HHAT: variants seen among roughly 807,000 people sequenced by gnomAD.
HHAT encodes the protein protein-cysteine N-palmitoyltransferase HHAT.
A neutral mutation model predicts 70.8 loss-of-function variants in HHAT; 47 were observed. The observed-to-expected ratio is 0.66, with a 90% confidence interval of 0.53 to 0.85. The LOEUF is 0.85. Ranked by LOEUF, HHAT falls within the 40% of genes least tolerant of loss-of-function variation. HHAT has a pLI of 0.00. For synonymous variants in HHAT, 228 were observed against 247.6 expected (o/e 0.92, Z 0.74); for missense variants, 609 against 604.8 (o/e 1.01, Z -0.07).
At chr1:210,337,446 GT>G (rs1331990821) in intron 1 of HHAT, among the ~76,000 whole-genome samples, 1 of 152,058 alleles carries the variant, frequency 6.6e-6, no homozygotes, top group Non-Finnish European at 1.5e-5. Context: ...TTACCTTATG[GT>G]TCTGGATGTC....
chr1:210,603,464 A>G (rs1558254704), intron 10 of HHAT, among the ~76,000 whole-genome samples: 1 of 152,030 alleles, frequency 6.6e-6, no homozygotes. Flanking sequence ...TATATGTTGA[A>G]GATTTGGCTG....
In HHAT at chr1:210,551,991, A is replaced by G. The variant is rs114356946; in HGVS notation, c.1044-35907A>G. Among the ~76,000 whole-genome samples the G allele has an allele frequency of 3.1e-3, 469 of 152,324 alleles. 3 individuals are homozygous for G. Among genetic ancestry groups the G allele is most frequent in the African/African-American group, 0.011 (446 of 41,574 alleles). Reference sequence around the variant, plus strand: ...CTTACTGACCATCAGCTACAATACAATGCTAGGAGTTGAGTTTCCTTTCTT... The same window carrying G: ...CTTACTGACCATCAGCTACAATACAGTGCTAGGAGTTGAGTTTCCTTTCTT... On this transcript the variant is annotated intron_variant, in intron 9 of 11. Coordinates refer to ENST00000261458, the MANE Select transcript of HHAT (RefSeq NM_018194.6).
At chr1:210,417,506 A>G (rs1251457767) in intron 6 of HHAT, among the ~76,000 whole-genome samples, 2 of 152,130 alleles carry the variant, frequency 1.3e-5, no homozygotes, top group African/African-American at 2.4e-5. Context: ...AAGTCCTGGG[A>G]TTCTAGGTGT....
At chr1:210,431,844 A>T (rs941811736) in intron 7 of HHAT, among the ~76,000 whole-genome samples, 1 of 151,882 alleles carries the variant, frequency 6.6e-6, no homozygotes, top group Non-Finnish European at 1.5e-5. Context: ...CTACTTCTGA[A>T]TACAAAGTAG....
intron 9 of HHAT, among the ~76,000 whole-genome samples, chr1:210,581,955 T>C (rs1659367700): frequency 6.6e-6 from 1 of 152,178 alleles, no homozygotes; most frequent in African/African-American, 2.4e-5. Flanking sequence ...ACATATCTAG[T>C]GCTGTCTGAA....
At chr1:210,569,401 C>CGTATA (rs1397127893) in intron 9 of HHAT, among the ~76,000 whole-genome samples, 6 of 40,040 alleles carry the variant, frequency 1.5e-4, no homozygotes, top group Admixed American at 2.3e-4. Context: ...AAAAAAAAAG[C>CGTATA]GTATAGCAGC....
At chr1:210,403,294 G>A (rs1267782742) in intron 5 of HHAT, among the ~76,000 whole-genome samples, 1 of 152,164 alleles carries the variant, frequency 6.6e-6, no homozygotes, top group East Asian at 1.9e-4. Context: ...CAGATTTACA[G>A]TAAAAATAAA....
At chr1:210,579,620 A>G (rs12086850) in intron 9 of HHAT, among the ~76,000 whole-genome samples, 4,308 of 152,288 alleles carry the variant, frequency 0.028, 208 homozygotes, top group African/African-American at 0.096. Context: ...CTAAGTATGT[A>G]TACTTAAGCT....
chr1:210,525,180 C>A (rs2095227106), intron 9 of HHAT, among the ~76,000 whole-genome samples: 1 of 152,074 alleles, frequency 6.6e-6, no homozygotes, highest in African/African-American at 2.4e-5. Context: ...GCCCTCAGCA[C>A]CCTTGCGTTG....
Position 210,374,161 on chromosome 1 carries a change from C to A in HHAT, c.159+11242C>A, listed in dbSNP as rs6540590. On this transcript the variant is annotated intron_variant, in intron 3 of 11. Coordinates refer to ENST00000261458, the MANE Select transcript of HHAT (RefSeq NM_018194.6). ...TTTTTTATAAAACATGATCTGCCTC[C>A]CCAGGGCAAGGCTTACAAAAAATTA... 459 of 152,252 alleles carry A rather than the reference C, an allele frequency of 3.0e-3. 6 individuals are homozygous for A. Among genetic ancestry groups the A allele is most frequent in the African/African-American group, 0.01 (432 of 41,552 alleles). 9.4% of individuals were successfully genotyped at this position (152,252 alleles called of 1,614,324 possible).
intron 8 of HHAT, among the ~76,000 whole-genome samples, chr1:210,465,816 G>A (rs1390644592): frequency 6.6e-6 from 1 of 152,232 alleles, no homozygotes; most frequent in Non-Finnish European, 1.5e-5. Flanking sequence ...TTTTGGTCTA[G>A]TTTGCTTCTT....
At chr1:210,636,373 A>AT (rs1671863311) in intron 11 of HHAT, among the ~76,000 whole-genome samples, 1 of 151,864 alleles carries the variant, frequency 6.6e-6, no homozygotes, top group Non-Finnish European at 1.5e-5. Context: ...GATTATGATT[A>AT]TTTTCTGGGC....
chr1:210,646,130 T>G (rs1426330460), intron 11 of HHAT, among the ~76,000 whole-genome samples: 1 of 152,216 alleles, frequency 6.6e-6, no homozygotes, highest in Non-Finnish European at 1.5e-5. Context: ...TGGTAGTTGC[T>G]TTGTATACTT....
chr1:210,644,558 A>G (rs988847126), intron 11 of HHAT, among the ~76,000 whole-genome samples: 2 of 143,752 alleles, frequency 1.4e-5, no homozygotes, highest in African/African-American at 2.6e-5. Flanking sequence ...AGCTGAGATC[A>G]TGCCACTGCA....
chr1:210,410,982 A>T (rs2092532588), intron 6 of HHAT, among the ~76,000 whole-genome samples: 1 of 152,210 alleles, frequency 6.6e-6, no homozygotes, highest in Admixed American at 6.5e-5. Flanking sequence ...GCTTGTGAAA[A>T]GTAGGTAAGT....
At chr1:210,420,237 A>G (rs575687979) in intron 7 of HHAT, among the ~76,000 whole-genome samples, 10 of 152,126 alleles carry the variant, frequency 6.6e-5, no homozygotes, top group Non-Finnish European at 1.3e-4. Flanking sequence ...GAATAGATTC[A>G]TGCTTGTTAT....
chr1:210,561,770 TATC>T (rs2095624734), intron 9 of HHAT, among the ~76,000 whole-genome samples: 1 of 152,240 alleles, frequency 6.6e-6, no homozygotes, highest in Non-Finnish European at 1.5e-5. Flanking sequence ...TCCACGTACT[TATC>T]ATTTTTTTGT....
At chr1:210,377,156 CT>C (rs574697623) in intron 3 of HHAT, among the ~76,000 whole-genome samples, 169 of 152,218 alleles carry the variant, frequency 1.1e-3, no homozygotes, top group Non-Finnish European at 2.1e-3. Context: ...CTCACTTTGT[CT>C]TTTTGATATT....
intron 2 of HHAT, among the ~76,000 whole-genome samples, chr1:210,351,249 C>T (rs974992105): frequency 6.6e-6 from 1 of 152,166 alleles, no homozygotes; most frequent in African/African-American, 2.4e-5. Flanking sequence ...GTGAATTCTT[C>T]CTTCCTCCTC....
Sources: gnomAD v4.1 joint callset for allele counts (sites outside exome capture counted in the v4.1 genomes callset) on GRCh38, gnomAD v4.1.1 for gene constraint, MANE v1.5 for transcripts, NCBI Gene and HGNC (gene_info 2026-07-23, HGNC 2026-07-21) for gene names.